Variants in SLC35H1 observed in about 807,000 individuals in gnomAD.
The protein encoded by SLC35H1 is solute carrier family 35 member H1.
the SLC35H1 span, chr20:46,350,668 A>T: frequency 6.6e-7 from 1 of 1,513,454 alleles, no homozygotes; most frequent in Non-Finnish European, 8.9e-7. Context: ...TGACGGCAGC[A>T]GAGCCACCGG....
the SLC35H1 span, chr20:46,346,960 G>A: frequency 2.0e-5 from 3 of 152,016 alleles, no homozygotes; most frequent in African/African-American, 7.3e-5. Flanking sequence ...TGGGGATCTT[G>A]GAAGGCCAGA....
At chr20:46,358,107 T>C in the SLC35H1 span, among the ~76,000 whole-genome samples, 3 of 152,356 alleles carry the variant, frequency 2.0e-5, no homozygotes, top group Admixed American at 6.5e-5. Flanking sequence ...TATTAAAATA[T>C]TGAAATACTT....
the SLC35H1 span, among the ~76,000 whole-genome samples, chr20:46,362,378 A>G: frequency 6.6e-6 from 1 of 152,296 alleles, no homozygotes; most frequent in South Asian, 2.1e-4. Flanking sequence ...CATCAAGGTA[A>G]GGCTGGCTGG....
the SLC35H1 span, among the ~76,000 whole-genome samples, chr20:46,357,382 G>C: frequency 1.3e-5 from 2 of 152,274 alleles, no homozygotes; most frequent in Admixed American, 6.5e-5. Context: ...AGGAGAGGGA[G>C]CTGCGGGGCC....
the SLC35H1 span, chr20:46,355,929 AC>A: frequency 2.5e-6 from 4 of 1,607,822 alleles, no homozygotes; most frequent in African/African-American, 1.3e-5. The surrounding 1 kb of genome is among the most constrained non-coding windows in gnomAD (Gnocchi z 4.8). Context: ...CAGACCCATC[AC>A]CGAGAAAGGA....
the SLC35H1 span, chr20:46,349,672 G>A: frequency 6.6e-6 from 1 of 152,556 alleles, no homozygotes; most frequent in South Asian, 2.1e-4. Flanking sequence ...GGGTCACACA[G>A]CTAGTGACAA....
At chr20:46,355,341 T>A in the SLC35H1 span, 1 of 1,351,720 alleles carries the variant, frequency 7.4e-7, no homozygotes. The surrounding 1 kb of genome is among the most constrained non-coding windows in gnomAD (Gnocchi z 4.8). Context: ...TGGCTGCCCC[T>A]GGGGCAAGAA....
chr20:46,357,674 C>T, the SLC35H1 span: 2 of 1,614,154 alleles, frequency 1.2e-6, no homozygotes, highest in Non-Finnish European at 1.7e-6. Flanking sequence ...ACCACACGGG[C>T]CCTGTGGCTG....
the SLC35H1 span, chr20:46,350,490 G>A: frequency 6.2e-7 from 1 of 1,611,640 alleles, no homozygotes; most frequent in African/African-American, 1.3e-5. Flanking sequence ...CGGGGCTGGA[G>A]CCCAGCCCCT....
chr20:46,352,436 G>T, the SLC35H1 span: 9 of 562,256 alleles, frequency 1.6e-5, no homozygotes, highest in South Asian at 1.1e-4. Flanking sequence ...AGTGATGGCT[G>T]CCAGAGCGCC....
the SLC35H1 span, chr20:46,358,900 C>T: frequency 6.0e-4 from 398 of 659,512 alleles, no homozygotes; most frequent in African/African-American, 6.0e-3. Flanking sequence ...CAGAGACCCA[C>T]GTCGTGTCTG....
the SLC35H1 span, among the ~76,000 whole-genome samples, chr20:46,354,061 T>C: frequency 6.6e-6 from 1 of 151,840 alleles, no homozygotes; most frequent in African/African-American, 2.4e-5. Context: ...TCCCAAAACA[T>C]CAAAGAAAGG....
chr20:46,359,424 C>T, the SLC35H1 span, among the ~76,000 whole-genome samples: 2 of 152,298 alleles, frequency 1.3e-5, no homozygotes, highest in East Asian at 1.9e-4. Context: ...ACTGGCCTTA[C>T]GCACAGCTGG....
At chr20:46,352,016 C>G in the SLC35H1 span, 2 of 1,608,760 alleles carry the variant, frequency 1.2e-6, no homozygotes, top group Non-Finnish European at 1.7e-6. Flanking sequence ...GGCTCCCTCT[C>G]TAAGACAGGA....
the SLC35H1 span, chr20:46,357,704 T>C: frequency 3.7e-6 from 6 of 1,613,956 alleles, no homozygotes; most frequent in East Asian, 1.1e-4. Context: ...ACCAGCGCCC[T>C]GGACAGGGCG....
chr20:46,356,707 G>C, the SLC35H1 span: 2 of 1,458,098 alleles, frequency 1.4e-6, no homozygotes, highest in African/African-American at 1.4e-5. Flanking sequence ...CTGGTACCCT[G>C]AGGCACCTGA....
chr20:46,360,397 C>T, the SLC35H1 span, among the ~76,000 whole-genome samples: 1 of 152,094 alleles, frequency 6.6e-6, no homozygotes, highest in East Asian at 1.9e-4. Context: ...TGTCTGTGGC[C>T]ATCACACTCC....
At chr20:46,356,861 G>C in the SLC35H1 span, among the ~76,000 whole-genome samples, 2 of 152,224 alleles carry the variant, frequency 1.3e-5, no homozygotes, top group African/African-American at 4.8e-5. Context: ...CCAACTGGCT[G>C]GGCCGGTATG....
At chr20:46,359,908 C>T in the SLC35H1 span, among the ~76,000 whole-genome samples, 10 of 152,344 alleles carry the variant, frequency 6.6e-5, no homozygotes, top group South Asian at 2.1e-3. Context: ...CCATTCTGCA[C>T]TCTGGAACTC....
Sources: gnomAD v4.1 joint callset for allele counts (sites outside exome capture counted in the v4.1 genomes callset) on GRCh38, gnomAD v4.1.1 for gene constraint, Gnocchi (gnomAD v3.1) non-coding constraint, MANE v1.5 for transcripts, NCBI Gene and HGNC (gene_info 2026-07-23, HGNC 2026-07-21) for gene names.